The following FOXO3 variants were observed in gnomAD, a reference collection of about 807,000 sequenced individuals.
FOXO3 encodes the protein forkhead box O3.
Under a neutral mutation model 41.9 loss-of-function variants are expected in FOXO3, and 4 were observed. That is an observed-to-expected ratio of 0.10 (90% CI 0.05 to 0.22). The LOEUF is 0.22. Among genes scored for constraint, FOXO3 ranks in the 10% least tolerant of loss-of-function variants. The pLI is 1.00. For missense variants in FOXO3, 534 were observed against 906.8 expected, an observed-to-expected ratio of 0.59 and a Z score of 5.28; for synonymous variants, 318 against 389.3, an observed-to-expected ratio of 0.82 and a Z score of 2.16.
At position 108,571,500 on chromosome 6, in the gene FOXO3, G is replaced by A. The variant is rs150463428; in HGVS notation, c.621+9671G>A. Reference sequence around the variant, plus strand: ...AGTTAAATTAAAGTGAAGTCATATCGGCTTAGGGTGGGTCCTAAATCCAGT... The same window carrying A: ...AGTTAAATTAAAGTGAAGTCATATCAGCTTAGGGTGGGTCCTAAATCCAGT... On this transcript the variant is annotated intron_variant, in intron 1 of 2. Coordinates refer to ENST00000406360, the MANE Select transcript of FOXO3 (RefSeq NM_001455.4). Among the ~76,000 whole-genome samples the A allele has an allele frequency of 7.2e-5, 11 of 152,238 alleles. No homozygotes were observed. In the East Asian group the frequency reaches 2.1e-3, roughly 29 times the overall value.
At chr6:108,577,899 A>G (rs1208527489) in intron 1 of FOXO3, among the ~76,000 whole-genome samples, 1 of 152,224 alleles carries the variant, frequency 6.6e-6, no homozygotes, top group African/African-American at 2.4e-5. Flanking sequence ...CTTCTTTAAT[A>G]TAAATGCATG....
chr6:108,585,045 T>TTTTTTTTTTTTTG (rs1776537437), intron 1 of FOXO3, among the ~76,000 whole-genome samples: 1 of 128,904 alleles, frequency 7.8e-6, no homozygotes, highest in Non-Finnish European at 1.7e-5. Flanking sequence ...TTTTTTTTTT[T>TTTTTTTTTTTTTG]TTTTTTTGAG....
At chr6:108,572,808 T>C (rs887525464) in intron 1 of FOXO3, among the ~76,000 whole-genome samples, 2 of 152,160 alleles carry the variant, frequency 1.3e-5, no homozygotes, top group Non-Finnish European at 1.5e-5. Context: ...TGTCTAATAT[T>C]GATTCTATAA....
chr6:108,673,381 A>T (rs1770420478), intron 2 of FOXO3, among the ~76,000 whole-genome samples: 1 of 151,844 alleles, frequency 6.6e-6, no homozygotes, highest in African/African-American at 2.4e-5. Flanking sequence ...TGGCCAGGGC[A>T]CTCCTTTGTC....
rs1778951265 is a variant in FOXO3, at chr6:108,663,783, C to A, written c.950C>A (p.Ala317Asp). ...TDFRSRTNSN[A>D]STVSGRLSPI... ...TTCCGTTCACGCACCAATTCTAACG[C>A]CAGCACAGTCAGTGGCCGCCTGTCG... The change falls in exon 2 of 3, where the codon GCC becomes GAC. Residue 317 changes from alanine (A) to aspartate (D), a missense_variant. Coordinates refer to ENST00000406360, the MANE Select transcript of FOXO3 (RefSeq NM_001455.4). 3 of 1,613,840 alleles carry A rather than the reference C, an allele frequency of 1.9e-6. No individual in the cohort carries two copies. In the African/African-American group the frequency reaches 4.0e-5, roughly 22 times the overall value.
At chr6:108,600,292 C>A (rs531889244) in intron 1 of FOXO3, among the ~76,000 whole-genome samples, 26 of 152,132 alleles carry the variant, frequency 1.7e-4, no homozygotes, top group Non-Finnish European at 3.1e-4. Flanking sequence ...CACCTGTAAT[C>A]CCAGCACTTT....
chr6:108,612,518 A>G (rs1693737402), intron 1 of FOXO3, among the ~76,000 whole-genome samples: 1 of 152,038 alleles, frequency 6.6e-6, no homozygotes, highest in South Asian at 2.1e-4. Context: ...CATCTCTACT[A>G]GAAATACAAA....
chr6:108,664,985 A>G, intron 2 of FOXO3, 96 bp downstream of exon 2: 1 of 1,280,122 alleles, frequency 7.8e-7, no homozygotes. Flanking sequence ...ACTTTATTCC[A>G]CACTGAAAAC....
intron 1 of FOXO3, among the ~76,000 whole-genome samples, chr6:108,597,407 T>G (rs1776915062): frequency 6.6e-6 from 1 of 152,242 alleles, no homozygotes; most frequent in Non-Finnish European, 1.5e-5. Flanking sequence ...ATCTTTCTTT[T>G]CAGCTATGAG....
chr6:108,682,999 T>C lies in FOXO3; in HGVS notation c.*3207T>C, dbSNP rs1278343717. ...CTAGGAAAGAGCTTTATCACAAGCC[T>C]TCACTGTCCTGGCATGAGAACTGGC... On this transcript the variant is annotated 3_prime_UTR_variant, in exon 3 of 3. Coordinates refer to ENST00000406360, the MANE Select transcript of FOXO3 (RefSeq NM_001455.4). The C allele has an allele frequency of 1.3e-5, 2 of 152,666 alleles. No individual in the cohort carries two copies. The highest frequency in any genetic ancestry group is 4.8e-5 in the African/African-American group (2 of 41,458). 9.5% of individuals were successfully genotyped at this position (152,666 alleles called of 1,614,324 possible).
intron 1 of FOXO3, among the ~76,000 whole-genome samples, chr6:108,604,868 G>A (rs1457636195): frequency 2.0e-5 from 3 of 152,124 alleles, no homozygotes; most frequent in Non-Finnish European, 4.4e-5. Context: ...AAGCCTTCCC[G>A]TTTTGTGACT....
At chr6:108,661,119 G>A (rs758922739) in intron 1 of FOXO3, among the ~76,000 whole-genome samples, 6 of 151,976 alleles carry the variant, frequency 3.9e-5, no homozygotes, top group East Asian at 1.9e-4. Flanking sequence ...GCACGCACCT[G>A]TAACCCCAGC....
At position 108,664,169 on chromosome 6, in the gene FOXO3, T is replaced by C. The variant is rs1457687418; in HGVS notation, c.1336T>C (p.Ser446Pro). ...GPSSLNSLRQ[S>P]PMQTIQENKP... ...TTCATCTCTGAACTCCCTACGCCAG[T>C]CTCCCATGCAGACCATCCAAGAGAA... The change falls in exon 2 of 3, where the codon TCT (serine) becomes CCT (proline). Residue 446 changes from serine (S) to proline (P), a missense_variant. Ser to Pro is a moderately conservative substitution (Grantham distance 74). Coordinates refer to ENST00000406360, the MANE Select transcript of FOXO3 (RefSeq NM_001455.4). 6.2e-7 allele frequency: 1 copy of C among 1,613,672 alleles called. No homozygotes were observed. Among genetic ancestry groups the C allele is most frequent in the East Asian group, 2.2e-5 (1 of 44,856 alleles).
At chr6:108,618,087 G>A (rs1238314645) in intron 1 of FOXO3, 4 of 760,138 alleles carry the variant, frequency 5.3e-6, no homozygotes, top group Non-Finnish European at 9.6e-6. Context: ...CTTTTTCATT[G>A]ATTTGGTTGC....
intron 1 of FOXO3, among the ~76,000 whole-genome samples, chr6:108,577,569 A>G (rs1776294859): frequency 6.6e-6 from 1 of 152,122 alleles, no homozygotes; most frequent in South Asian, 2.1e-4. Flanking sequence ...TTTCAAAACC[A>G]CCAGTGCCTA....
chr6:108,647,048 A>T (rs536759920), intron 1 of FOXO3, among the ~76,000 whole-genome samples: 1 of 152,340 alleles, frequency 6.6e-6, no homozygotes, highest in South Asian at 2.1e-4. Flanking sequence ...AGGTAAAAGG[A>T]CAGAAAAACC....
rs201330377 is a variant in FOXO3 at position 108,669,112 on chromosome 6, C to CA, written c.*34+4229dup. Among the ~76,000 whole-genome samples the CA allele has an allele frequency of 9.7e-3, 1,479 of 151,874 alleles. 23 individuals carry two copies. The highest frequency in any genetic ancestry group is 0.034 in the African/African-American group (1,406 of 41,396). On this transcript the variant is annotated intron_variant, in intron 2 of 2. Transcript: ENST00000406360. The stretch of plus-strand genomic sequence containing the variant: ...TGGGTGACAGAGCAAGACTCCGTCT[C>CA]AAAAAATAAAAAAAATAAAAACTAA...
intron 1 of FOXO3, among the ~76,000 whole-genome samples, chr6:108,608,375 G>A (rs569921754): frequency 6.6e-6 from 1 of 152,308 alleles, no homozygotes; most frequent in South Asian, 2.1e-4. Context: ...TTCTGCCAAA[G>A]AGGCTAATTT....
chr6:108,657,217 G>A (rs1778714383), intron 1 of FOXO3, among the ~76,000 whole-genome samples: 1 of 152,222 alleles, frequency 6.6e-6, no homozygotes, highest in Admixed American at 6.5e-5. Flanking sequence ...TGTGATAGAG[G>A]TGTTTTAAGG....
Sources: allele counts gnomAD v4.1 joint callset (sites outside exome capture counted in the v4.1 genomes callset), GRCh38; gene constraint gnomAD v4.1.1; transcripts MANE v1.5; gene names NCBI Gene and HGNC (gene_info 2026-07-23, HGNC 2026-07-21).